The following PRKD1 variants were observed in gnomAD, a reference collection of about 807,000 sequenced individuals.
The protein encoded by PRKD1 is serine/threonine-protein kinase D1.
PRKD1 carries 63 observed loss-of-function variants against 95.9 expected under a neutral mutation model. That is an observed-to-expected ratio of 0.66 (90% CI 0.54 to 0.81). The LOEUF is 0.81. Among genes scored for constraint, PRKD1 ranks in the 30% least tolerant of loss-of-function variants. The probability of loss-of-function intolerance (pLI) is 0.00; values close to 1 mark genes in which losing one functional copy is unlikely to be tolerated. For synonymous variants in PRKD1, 425 were observed against 423.1 expected, an observed-to-expected ratio of 1.00 and a Z score of -0.05; for missense variants, 1,048 against 1,165.3, an observed-to-expected ratio of 0.90 and a Z score of 1.47.
At chr14:29,855,849 G>T (rs766987464) in intron 1 of PRKD1, among the ~76,000 whole-genome samples, 1 of 152,156 alleles carries the variant, frequency 6.6e-6, no homozygotes, top group Non-Finnish European at 1.5e-5. Flanking sequence ...CTCTTTGCCT[G>T]CTGCCATCCA....
intron 1 of PRKD1, among the ~76,000 whole-genome samples, chr14:29,854,810 G>A (rs1404500937): frequency 6.6e-6 from 1 of 152,158 alleles, no homozygotes; most frequent in African/African-American, 2.4e-5. Context: ...TGCAGCCTAG[G>A]GACTTAGTGC....
chr14:29,661,161 T>C (rs1882165944), intron 4 of PRKD1, among the ~76,000 whole-genome samples: 1 of 152,176 alleles, frequency 6.6e-6, no homozygotes, highest in African/African-American at 2.4e-5. Context: ...TCGTAATCTG[T>C]ATCTGAAAAA....
At chr14:29,789,431 G>T (rs187972707) in intron 1 of PRKD1, among the ~76,000 whole-genome samples, 82 of 152,276 alleles carry the variant, frequency 5.4e-4, no homozygotes, top group African/African-American at 1.9e-3. Context: ...TATAGTGCTG[G>T]TTGGGTTGAG....
intron 1 of PRKD1, among the ~76,000 whole-genome samples, chr14:29,920,294 C>A (rs911008274): frequency 2.6e-5 from 4 of 152,186 alleles, no homozygotes; most frequent in Admixed American, 2.0e-4. Flanking sequence ...TGAGTAGTAT[C>A]TTTTATTATT....
chr14:29,855,967 G>A (rs2139348481), intron 1 of PRKD1, among the ~76,000 whole-genome samples: 1 of 152,248 alleles, frequency 6.6e-6, no homozygotes, highest in East Asian at 1.9e-4. Context: ...AAATTGCCCA[G>A]TCCTGCGTAC....
chr14:29,651,646 CTT>C (rs1881506636), intron 4 of PRKD1, among the ~76,000 whole-genome samples: 1 of 150,466 alleles, frequency 6.6e-6, no homozygotes, highest in South Asian at 2.1e-4. Context: ...CTATAGAAAT[CTT>C]TCTTTTTTTT....
chr14:29,843,910 A>G (rs1394122295), intron 1 of PRKD1, among the ~76,000 whole-genome samples: 1 of 152,256 alleles, frequency 6.6e-6, no homozygotes, highest in South Asian at 2.1e-4. Flanking sequence ...ACATTCGAGC[A>G]GACTTGAAGG....
chr14:29,689,252 T>G (rs1185281709), intron 2 of PRKD1, among the ~76,000 whole-genome samples: 1 of 150,446 alleles, frequency 6.6e-6, no homozygotes, highest in Non-Finnish European at 1.5e-5. Context: ...TACAAGAAAC[T>G]TAAACAAATT....
intron 4 of PRKD1, among the ~76,000 whole-genome samples, chr14:29,663,064 ATATATAATATATATAAAATATATAC>A (rs1469269306): frequency 7.2e-6 from 1 of 139,482 alleles, no homozygotes; most frequent in Non-Finnish European, 1.5e-5. Flanking sequence ...TGCATATTTT[ATATATAATATATATAAAATATATAC>A]TATATAATAT....
At chr14:29,680,832 T>A (rs1322787188) in intron 2 of PRKD1, among the ~76,000 whole-genome samples, 1 of 152,018 alleles carries the variant, frequency 6.6e-6, no homozygotes, top group African/African-American at 2.4e-5. Flanking sequence ...GAGTTCCGAT[T>A]TGAGGTTGGA....
chr14:29,684,579 C>T (rs1318357999), intron 2 of PRKD1, among the ~76,000 whole-genome samples: 1 of 152,172 alleles, frequency 6.6e-6, no homozygotes, highest in Non-Finnish European at 1.5e-5. Flanking sequence ...TGAATCAACT[C>T]ATGTCTTCAG....
chr14:29,744,220 A>T (rs1300852424), intron 1 of PRKD1, among the ~76,000 whole-genome samples: 4 of 152,178 alleles, frequency 2.6e-5, no homozygotes, highest in African/African-American at 4.8e-5. Flanking sequence ...TTCAGAACAG[A>T]ACTCTTAATT....
intron 1 of PRKD1, among the ~76,000 whole-genome samples, chr14:29,921,253 A>T (rs1295194096): frequency 6.6e-6 from 1 of 152,254 alleles, no homozygotes; most frequent in African/African-American, 2.4e-5. Flanking sequence ...TGAGAGTTTG[A>T]GATTTGAGAA....
At chr14:29,629,543 T>G (rs947370941) in intron 10 of PRKD1, among the ~76,000 whole-genome samples, 1 of 152,178 alleles carries the variant, frequency 6.6e-6, no homozygotes. Context: ...GTATTTTCGT[T>G]GTAGAGATAA....
At chr14:29,830,157 T>A (rs984842059) in intron 1 of PRKD1, among the ~76,000 whole-genome samples, 1 of 152,176 alleles carries the variant, frequency 6.6e-6, no homozygotes, top group African/African-American at 2.4e-5. Flanking sequence ...TGTTCGAGCA[T>A]CTGGAAAGCT....
At chr14:29,597,391 A>G in intron 16 of PRKD1, 100 bp downstream of exon 16, 1 of 1,236,132 alleles carries the variant, frequency 8.1e-7, no homozygotes, top group Non-Finnish European at 1.1e-6. Context: ...CTTTACAATG[A>G]GCATGTATTA....
intron 1 of PRKD1, among the ~76,000 whole-genome samples, chr14:29,925,172 C>G (rs1337820322): frequency 6.6e-6 from 1 of 151,988 alleles, no homozygotes; most frequent in African/African-American, 2.4e-5. Context: ...AAAGGATTCC[C>G]CTTATAAATC....
Position 29,886,705 on chromosome 14 carries a change from T to C in PRKD1, c.264+40544A>G, listed in dbSNP as rs12435987. Among the ~76,000 whole-genome samples the C allele has an allele frequency of 9.2e-3, 1,402 of 152,346 alleles. 7 individuals carry two copies. Among genetic ancestry groups the C allele is most frequent in the Non-Finnish European group, 0.012 (846 of 68,030 alleles). On this transcript the variant is annotated intron_variant, in intron 1 of 17. Transcript: ENST00000331968. Reference sequence around the variant, plus strand: ...AACATACAAGCAAAGAAATGCAAGGTAGACGGCAGGATGTCACCACACCCA... The same window carrying C: ...AACATACAAGCAAAGAAATGCAAGGCAGACGGCAGGATGTCACCACACCCA...
At chr14:29,828,433 C>T (rs1891279764) in intron 1 of PRKD1, among the ~76,000 whole-genome samples, 1 of 152,092 alleles carries the variant, frequency 6.6e-6, no homozygotes, top group Admixed American at 6.6e-5. Context: ...GGATTCCCCA[C>T]CATGACCCAG....
Sources: gnomAD v4.1 joint callset for allele counts (sites outside exome capture counted in the v4.1 genomes callset) on GRCh38, gnomAD v4.1.1 for gene constraint, MANE v1.5 for transcripts, NCBI Gene and HGNC (gene_info 2026-07-23, HGNC 2026-07-21) for gene names.